Variants in SPATA22 observed in about 807,000 individuals in gnomAD.
SPATA22 encodes spermatogenesis-associated protein 22.
SPATA22 carries 29 observed loss-of-function variants against 47.8 expected under a neutral mutation model. That is an observed-to-expected ratio of 0.61 (90% CI 0.45 to 0.83). The LOEUF (loss-of-function observed/expected upper bound fraction) is 0.83. SPATA22 is among the 40% of genes least tolerant of loss of function. The probability of loss-of-function intolerance (pLI) is 0.00; values close to 1 mark genes in which losing one functional copy is unlikely to be tolerated. For missense variants in SPATA22, 410 were observed against 421.7 expected, an observed-to-expected ratio of 0.97 and a Z score of 0.24; for synonymous variants, 133 against 140.9, an observed-to-expected ratio of 0.94 and a Z score of 0.40.
chr17:3,463,909 T>TCCTCTA (rs2073194250), intron 3 of SPATA22, among the ~76,000 whole-genome samples: 1 of 89,760 alleles, frequency 1.1e-5, no homozygotes, highest in Non-Finnish European at 2.3e-5. Context: ...AAAACACTGA[T>TCCTCTA]CCTCTCCCTC....
At chr17:3,458,209 A>G (rs1381446084) in intron 5 of SPATA22, among the ~76,000 whole-genome samples, 2 of 152,230 alleles carry the variant, frequency 1.3e-5, no homozygotes, top group African/African-American at 4.8e-5. Context: ...GCCAACAGGT[A>G]TATAAAAAGG....
chr17:3,487,682 G>C (rs2073749948), intron 1 of SPATA22, among the ~76,000 whole-genome samples: 1 of 152,124 alleles, frequency 6.6e-6, no homozygotes, highest in African/African-American at 2.4e-5. Context: ...GCATAATAAA[G>C]ATTCCTTCAT....
At chr17:3,457,683 A>C (rs1006158684) in intron 5 of SPATA22, among the ~76,000 whole-genome samples, 1 of 152,214 alleles carries the variant, frequency 6.6e-6, no homozygotes, top group African/African-American at 2.4e-5. Flanking sequence ...ATTTACATTT[A>C]ATTGATTTTC....
chr17:3,470,520 C>CG (rs1186427052), intron 1 of SPATA22, among the ~76,000 whole-genome samples: 2 of 151,766 alleles, frequency 1.3e-5, no homozygotes, highest in African/African-American at 4.8e-5. Flanking sequence ...GAGGCCGAGA[C>CG]GGGCGGATCA....
intron 1 of SPATA22, among the ~76,000 whole-genome samples, chr17:3,482,722 CA>C (rs1440924198): frequency 2.0e-5 from 3 of 151,828 alleles, no homozygotes; most frequent in African/African-American, 7.3e-5. Context: ...CAGTTTTGGA[CA>C]GTAACTGGGT....
intron 6 of SPATA22, among the ~76,000 whole-genome samples, chr17:3,446,853 A>T (rs1390534083): frequency 6.6e-6 from 1 of 152,144 alleles, no homozygotes; most frequent in Non-Finnish European, 1.5e-5. Flanking sequence ...TCATTCATTC[A>T]TTGACTATTT....
At chr17:3,489,703 T>A (rs1323824251) in intron 1 of SPATA22, among the ~76,000 whole-genome samples, 1 of 152,182 alleles carries the variant, frequency 6.6e-6, no homozygotes, top group Non-Finnish European at 1.5e-5. Context: ...TCTGCAAATA[T>A]CAAGCGTTGG....
chr17:3,460,774 C>T (rs1422769036), intron 5 of SPATA22, among the ~76,000 whole-genome samples: 1 of 107,540 alleles, frequency 9.3e-6, no homozygotes, highest in Non-Finnish European at 1.8e-5. Context: ...GCCTGGGCAA[C>T]ATGGCAAGAT....
intron 1 of SPATA22, among the ~76,000 whole-genome samples, chr17:3,486,048 T>C (rs1214003369): frequency 6.6e-6 from 1 of 151,670 alleles, no homozygotes; most frequent in Non-Finnish European, 1.5e-5. Context: ...TTCTCCTGCC[T>C]CAGCCTCCTG....
At chr17:3,456,342 G>T (rs367949818) in intron 5 of SPATA22, among the ~76,000 whole-genome samples, 1 of 149,630 alleles carries the variant, frequency 6.7e-6, no homozygotes, top group Non-Finnish European at 1.5e-5. Context: ...TCAAATAGAC[G>T]CAATAAAAAA....
In SPATA22 at chr17:3,489,256, C is replaced by T; in HGVS notation, c.-73-19858G>A. On this transcript the variant is annotated intron_variant, in intron 1 of 8. Transcript: ENST00000541913. Reference sequence around the variant, plus strand: ...CTAGGTATAGAAGTTGGTCCTCAGCCTCAAGGGGTTCTGAGAGCTGATATC... The same window carrying T: ...CTAGGTATAGAAGTTGGTCCTCAGCTTCAAGGGGTTCTGAGAGCTGATATC... 1 of 1,612,482 alleles carries T rather than the reference C, an allele frequency of 6.2e-7. No homozygotes were observed. The highest frequency in any genetic ancestry group is 8.5e-7 in the Non-Finnish European group (1 of 1,179,436).
Position 3,512,074 on chromosome 17 carries a change from G to A in SPATA22, c.-74+1338C>T, listed in dbSNP as rs1043683273. 6.6e-6 allele frequency: 1 copy of A among 152,208 alleles called. No homozygotes were observed. Among genetic ancestry groups the A allele is most frequent in the Non-Finnish European group, 1.5e-5 (1 of 68,046 alleles). 9.4% of individuals were successfully genotyped at this position (152,208 alleles called of 1,614,324 possible). On this transcript the variant is annotated intron_variant, in intron 1 of 8. Transcript: ENST00000541913. ...TTTTCAACAACATTCCTCATTAAGT[G>A]CGCAACCAGCTTCTGCTTAAACATC...
intron 1 of SPATA22, among the ~76,000 whole-genome samples, chr17:3,506,078 C>T (rs2074038356): frequency 6.6e-6 from 1 of 152,182 alleles, no homozygotes; most frequent in Non-Finnish European, 1.5e-5. Context: ...TATCTCTATA[C>T]TTCCCACACA....
At chr17:3,456,488 A>G (rs372652647) in intron 5 of SPATA22, among the ~76,000 whole-genome samples, 2 of 150,714 alleles carry the variant, frequency 1.3e-5, no homozygotes, top group African/African-American at 2.4e-5. Context: ...CTCTCCCAAG[A>G]CTAAACCAGG....
chr17:3,486,585 T>C (rs1431436985), intron 1 of SPATA22, among the ~76,000 whole-genome samples: 3 of 152,152 alleles, frequency 2.0e-5, no homozygotes, highest in African/African-American at 7.2e-5. Flanking sequence ...ACACCCTCTT[T>C]CTTCTCTAGT....
intron 1 of SPATA22, among the ~76,000 whole-genome samples, chr17:3,484,158 A>C (rs1401171421): frequency 6.6e-6 from 1 of 152,022 alleles, no homozygotes; most frequent in African/African-American, 2.4e-5. Flanking sequence ...AATTCTTCTC[A>C]TTCTCAAGAT....
intron 1 of SPATA22, among the ~76,000 whole-genome samples, chr17:3,477,632 T>A (rs1340834150): frequency 1.3e-5 from 2 of 152,002 alleles, no homozygotes; most frequent in Admixed American, 1.3e-4. Context: ...TTTTGTATTT[T>A]TAGTAGAGAC....
At chr17:3,441,624 T>G (rs963686419) in intron 8 of SPATA22, 2 of 152,078 alleles carry the variant, frequency 1.3e-5, no homozygotes, top group African/African-American at 4.8e-5. Flanking sequence ...AATATACACA[T>G]GCTCTATGAC....
intron 1 of SPATA22, among the ~76,000 whole-genome samples, chr17:3,505,916 C>G (rs911918000): frequency 3.3e-5 from 5 of 152,030 alleles, no homozygotes; most frequent in African/African-American, 7.2e-5. Flanking sequence ...CGCCAGCAAG[C>G]CTGGCTAATT....
Sources: allele counts gnomAD v4.1 joint callset (sites outside exome capture counted in the v4.1 genomes callset), GRCh38; gene constraint gnomAD v4.1.1; transcripts MANE v1.5; gene names NCBI Gene and HGNC (gene_info 2026-07-23, HGNC 2026-07-21).